The following BICC1 variants were observed in gnomAD, a reference collection of about 807,000 sequenced individuals.
The protein encoded by BICC1 is protein bicaudal C homolog 1.
BICC1 carries 43 observed loss-of-function variants against 111.0 expected under a neutral mutation model. The ratio of observed to expected loss-of-function variants is 0.39; its 90% CI spans 0.30 to 0.50. The LOEUF is 0.50. Among genes scored for constraint, BICC1 ranks in the 20% least tolerant of loss-of-function variants. BICC1 has a pLI of 0.88. For missense variants in BICC1, 1,091 were observed against 1,203.2 expected (o/e 0.91, Z 1.38); for synonymous variants, 467 against 434.4 (o/e 1.07, Z -0.93).
intron 5 of BICC1, 51 bp from the exon 6 acceptor site, chr10:58,788,319 A>T (rs774962089): frequency 7.5e-7 from 1 of 1,337,848 alleles, no homozygotes; most frequent in Admixed American, 1.7e-5. Flanking sequence ...TGGAAAAGAG[A>T]TGTGAGTTTG....
At chr10:58,645,892 T>C (rs1838255015) in intron 2 of BICC1, among the ~76,000 whole-genome samples, 1 of 152,212 alleles carries the variant, frequency 6.6e-6, no homozygotes, top group Admixed American at 6.5e-5. Flanking sequence ...ATTTTCCTGC[T>C]GAGTTTATGC....
At chr10:58,668,465 A>G (rs1044716474) in intron 2 of BICC1, among the ~76,000 whole-genome samples, 1 of 151,998 alleles carries the variant, frequency 6.6e-6, no homozygotes, top group Non-Finnish European at 1.5e-5. Flanking sequence ...ACATCTCAAA[A>G]TTTTACTTTT....
chr10:58,788,819 C>A (rs1294545170), intron 6 of BICC1, among the ~76,000 whole-genome samples: 1 of 152,198 alleles, frequency 6.6e-6, no homozygotes. Context: ...GTTGTGGTGG[C>A]TCACACCTGT....
chr10:58,597,701 A>G (rs1263455459), intron 1 of BICC1, among the ~76,000 whole-genome samples: 1 of 152,086 alleles, frequency 6.6e-6, no homozygotes, highest in Non-Finnish European at 1.5e-5. Flanking sequence ...CCAGGAATGC[A>G]TTCCTTTCCC....
At chr10:58,603,386 A>C (rs562103934) in intron 1 of BICC1, among the ~76,000 whole-genome samples, 4 of 152,248 alleles carry the variant, frequency 2.6e-5, no homozygotes, top group Non-Finnish European at 5.9e-5. Flanking sequence ...CTGTGTGTAA[A>C]ATTTACCTGG....
intron 1 of BICC1, among the ~76,000 whole-genome samples, chr10:58,590,101 T>C (rs544065327): frequency 7.9e-5 from 12 of 152,234 alleles, no homozygotes; most frequent in Non-Finnish European, 1.8e-4. Context: ...TGGTATGTTA[T>C]TATTCTATCT....
At chr10:58,529,283 G>T (rs1842621613) in intron 1 of BICC1, among the ~76,000 whole-genome samples, 1 of 151,976 alleles carries the variant, frequency 6.6e-6, no homozygotes, top group Non-Finnish European at 1.5e-5. Flanking sequence ...CACTAGAGTT[G>T]CAGGGCAGGA....
chr10:58,522,363 C>A (rs553067912), intron 1 of BICC1, among the ~76,000 whole-genome samples: 1 of 152,096 alleles, frequency 6.6e-6, no homozygotes, highest in Admixed American at 6.6e-5. Flanking sequence ...GTCTCTCAGA[C>A]CACAGTGCAA....
chr10:58,805,524 A>G (rs1465119446), intron 15 of BICC1, among the ~76,000 whole-genome samples: 1 of 152,222 alleles, frequency 6.6e-6, no homozygotes, highest in Non-Finnish European at 1.5e-5. Context: ...TAGGATTTAA[A>G]AACTTCATCA....
chr10:58,650,430 C>CAGT (rs1458157842), intron 2 of BICC1: 2 of 152,172 alleles, frequency 1.3e-5, no homozygotes, highest in Non-Finnish European at 2.9e-5. Flanking sequence ...CCAGAGAGCA[C>CAGT]AGTTAAAAAC....
chr10:58,744,878 A>AAAGGAAGTTCATTACAGC (rs1436216188), intron 3 of BICC1, among the ~76,000 whole-genome samples: 1 of 152,160 alleles, frequency 6.6e-6, no homozygotes, highest in Non-Finnish European at 1.5e-5. Flanking sequence ...TGAACCATAG[A>AAAGGAAGTTCATTACAGC]AAGGAAGTTC....
chr10:58,726,536 T>A (rs1841111872), intron 3 of BICC1, among the ~76,000 whole-genome samples: 1 of 152,204 alleles, frequency 6.6e-6, no homozygotes, highest in Admixed American at 6.5e-5. Flanking sequence ...ACCCTGGCAC[T>A]GCCGTTGTAT....
At chr10:58,620,946 T>C (rs1435064057) in intron 2 of BICC1, 45 bp downstream of exon 2, 1 of 1,544,296 alleles carries the variant, frequency 6.5e-7, no homozygotes, top group South Asian at 1.1e-5. Flanking sequence ...TAAGAGGAAA[T>C]ATACTTATCT....
intron 3 of BICC1, among the ~76,000 whole-genome samples, chr10:58,781,178 C>A (rs1842873962): frequency 1.3e-5 from 2 of 152,250 alleles, no homozygotes; most frequent in African/African-American, 4.8e-5. Context: ...GAATATCTGA[C>A]AGTTTTTTTG....
chr10:58,631,111 A>G lies in BICC1; in HGVS notation c.237+10210A>G, dbSNP rs567200511. On this transcript the variant is annotated intron_variant, in intron 2 of 20. Coordinates refer to ENST00000373886, the MANE Select transcript of BICC1 (RefSeq NM_001080512.3). Reference sequence around the variant, plus strand: ...TTACTGAGCTTTTATCCTGCATATCAGAATTTCCTTTCTCTTTGTCATTGG... The same window carrying G: ...TTACTGAGCTTTTATCCTGCATATCGGAATTTCCTTTCTCTTTGTCATTGG... Among the ~76,000 whole-genome samples the G allele has an allele frequency of 5.3e-5, 8 of 152,342 alleles. No homozygotes were observed. In the East Asian group the frequency reaches 1.2e-3, roughly 22 times the overall value.
intron 2 of BICC1, among the ~76,000 whole-genome samples, chr10:58,672,449 TG>T (rs1235635250): frequency 6.6e-6 from 1 of 152,206 alleles, no homozygotes; most frequent in Non-Finnish European, 1.5e-5. Flanking sequence ...TGGCATGTTT[TG>T]TGTTACCCCA....
intron 1 of BICC1, among the ~76,000 whole-genome samples, chr10:58,564,354 T>C (rs557611060): frequency 8.5e-5 from 13 of 152,288 alleles, no homozygotes; most frequent in Middle Eastern, 6.8e-3. Flanking sequence ...AGTGGGGCTG[T>C]CCTTGGCTTT....
chr10:58,813,887 G>A lies in BICC1; in HGVS notation c.2434G>A (p.Glu812Lys), dbSNP rs184466963. Residue 812 changes from glutamate (E) to lysine (K), a missense_variant, in exon 18 of 21, where the codon GAA becomes AAA. Around this residue, in one of 3 missense-constraint regions of BICC1, gnomAD observed 231 missense variants for 256.2 expected, o/e 0.90. Coordinates refer to ENST00000373886, the MANE Select transcript of BICC1 (RefSeq NM_001080512.3). Reference sequence around the variant, plus strand: ...TCGTGAGCACTTGGGAGGTGGAAGCGAATCTGATAACTGGAGAGACCGAAA... The same window carrying A: ...TCGTGAGCACTTGGGAGGTGGAAGCAAATCTGATAACTGGAGAGACCGAAA... ...NSREHLGGGS[E>K]SDNWRDRNGI... is the part of the protein sequence containing the mutation. The A allele has an allele frequency of 1.2e-5, 20 of 1,613,994 alleles. No individual in the cohort carries two copies. Among genetic ancestry groups the A allele is most frequent in the South Asian group, 1.1e-4 (10 of 91,072 alleles).
At chr10:58,596,748 T>G (rs1844827360) in intron 1 of BICC1, among the ~76,000 whole-genome samples, 1 of 152,146 alleles carries the variant, frequency 6.6e-6, no homozygotes, top group South Asian at 2.1e-4. Context: ...TCACAAGCAT[T>G]CCTATACACC....
Sources: gnomAD v4.1 joint callset for allele counts (sites outside exome capture counted in the v4.1 genomes callset) on GRCh38, gnomAD v4.1.1 for gene constraint, gnomAD v4.1.1 regional missense constraint, MANE v1.5 for transcripts, NCBI Gene and HGNC (gene_info 2026-07-23, HGNC 2026-07-21) for gene names.